The following KSR2 variants were observed in gnomAD, a reference collection of about 807,000 sequenced individuals.
KSR2 encodes the protein kinase suppressor of ras 2.
A neutral mutation model predicts 107.8 loss-of-function variants in KSR2; 25 were observed. The observed-to-expected ratio is 0.23, with a 90% CI of 0.17 to 0.32. The LOEUF (loss-of-function observed/expected upper bound fraction) is 0.32, where lower values mean the gene tolerates loss of function less well. Among genes scored for constraint, KSR2 ranks in the 10% least tolerant of loss-of-function variants. The pLI is 1.00. For synonymous variants in KSR2, 480 were observed against 507.0 expected, an observed-to-expected ratio of 0.95 and a Z score of 0.71; for missense variants, 887 against 1,268.9, an observed-to-expected ratio of 0.70 and a Z score of 4.57.
chr12:117,870,493 G>A (rs573615471), intron 1 of KSR2, among the ~76,000 whole-genome samples: 28 of 152,186 alleles, frequency 1.8e-4, no homozygotes, highest in East Asian at 5.8e-4. Context: ...CCAGCTACTC[G>A]GGAGGCTGAG....
At chr12:117,821,007 T>C (rs1004311572) in intron 3 of KSR2, among the ~76,000 whole-genome samples, 1 of 152,152 alleles carries the variant, frequency 6.6e-6, no homozygotes, top group African/African-American at 2.4e-5. Context: ...TAGGTTCAGA[T>C]CCTCTGCCAC....
intron 5 of KSR2, among the ~76,000 whole-genome samples, chr12:117,640,739 G>C (rs1883317826): frequency 6.6e-6 from 1 of 152,116 alleles, no homozygotes; most frequent in Non-Finnish European, 1.5e-5. Flanking sequence ...CCCCTCCATG[G>C]CAAACAGCCG....
intron 5 of KSR2, among the ~76,000 whole-genome samples, chr12:117,604,457 A>C (rs1480888115): frequency 6.6e-6 from 1 of 152,254 alleles, no homozygotes; most frequent in Non-Finnish European, 1.5e-5. Context: ...ATGGTAATTC[A>C]AAGTTTAACT....
At chr12:117,957,201 A>G (rs1896541903) in intron 1 of KSR2, among the ~76,000 whole-genome samples, 1 of 152,250 alleles carries the variant, frequency 6.6e-6, no homozygotes, top group African/African-American at 2.4e-5. Flanking sequence ...ACAGGAGAGC[A>G]GTAAACCTCT....
Position 117,968,305 on chromosome 12 carries a change from A to AGGCG in KSR2, c.-51_-50insCGCC. On this transcript the variant is annotated 5_prime_UTR_variant, in exon 1 of 20. Transcript: ENST00000339824. The stretch of plus-strand genomic sequence containing the variant: ...CTCCTCCTCCTCCCAGAGAGAAAAA[A>AGGCG]GAGGGGGGGGAGTAGAGGTAGTCTA... 9.0e-7 allele frequency: 1 copy of AGGCG among 1,110,342 alleles called. No homozygotes were observed. The highest frequency in any genetic ancestry group is 1.2e-6 in the Non-Finnish European group (1 of 858,906). The allele number at this position is 1,110,342 out of a possible 1,614,324, so 68.8% of individuals were successfully genotyped here. A position where few individuals can be genotyped will look rare whatever the true frequency, so the allele number is the denominator to read the frequency against.
intron 4 of KSR2, among the ~76,000 whole-genome samples, chr12:117,731,799 T>C (rs575987264): frequency 3.3e-5 from 5 of 151,036 alleles, no homozygotes; most frequent in African/African-American, 7.3e-5. Flanking sequence ...TTAAGGGCGG[T>C]GCAAGATGTG....
chr12:117,927,388 C>CAA (rs55995726), intron 1 of KSR2, among the ~76,000 whole-genome samples: 11 of 137,704 alleles, frequency 8.0e-5, no homozygotes, highest in African/African-American at 2.7e-4. Flanking sequence ...AAAATAACAA[C>CAA]AAAAAAAAAA....
intron 10 of KSR2, among the ~76,000 whole-genome samples, chr12:117,532,624 T>A (rs569075057): frequency 2.6e-5 from 4 of 152,248 alleles, no homozygotes; most frequent in South Asian, 2.1e-4. Context: ...TAGGAAAAAA[T>A]TTTATAAAAG....
chr12:117,613,384 C>T (rs1295232024), intron 5 of KSR2, among the ~76,000 whole-genome samples: 1 of 152,170 alleles, frequency 6.6e-6, no homozygotes, highest in Non-Finnish European at 1.5e-5. Flanking sequence ...CAGCTGAGTC[C>T]CAGACTTTCA....
chr12:117,625,562 C>T (rs528702538), intron 5 of KSR2, among the ~76,000 whole-genome samples: 27 of 152,288 alleles, frequency 1.8e-4, no homozygotes, highest in South Asian at 1.5e-3. Flanking sequence ...CCGACTTAAT[C>T]GTGGTGGACA....
intron 1 of KSR2, among the ~76,000 whole-genome samples, chr12:117,900,163 G>A (rs1894639303): frequency 6.6e-6 from 1 of 152,220 alleles, no homozygotes; most frequent in African/African-American, 2.4e-5. Context: ...CCATGTTTGT[G>A]ATGATTTGTA....
At chr12:117,947,243 A>C (rs1311063821) in intron 1 of KSR2, among the ~76,000 whole-genome samples, 10 of 124,020 alleles carry the variant, frequency 8.1e-5, no homozygotes, top group African/African-American at 2.3e-4. Context: ...GAAAGAAAGA[A>C]AGAAAGAAAG....
intron 4 of KSR2, among the ~76,000 whole-genome samples, chr12:117,676,608 A>G (rs574193536): frequency 1.6e-4 from 24 of 152,324 alleles, no homozygotes; most frequent in Non-Finnish European, 2.8e-4. Flanking sequence ...AGTAAACTAT[A>G]GTATAGATCC....
intron 4 of KSR2, among the ~76,000 whole-genome samples, chr12:117,681,365 G>GACCTGGC (rs1193039824): frequency 6.6e-6 from 1 of 152,066 alleles, no homozygotes; most frequent in African/African-American, 2.4e-5. Flanking sequence ...TGGGAAGGCA[G>GACCTGGC]ACCTGGCATT....
chr12:117,686,314 C>T (rs1181068286), intron 4 of KSR2, among the ~76,000 whole-genome samples: 5 of 146,274 alleles, frequency 3.4e-5, no homozygotes, highest in Non-Finnish European at 7.4e-5. Flanking sequence ...GATCCTCCTG[C>T]CTTGGTCTTC....
intron 4 of KSR2, among the ~76,000 whole-genome samples, chr12:117,682,566 C>T (rs528858242): frequency 7.9e-5 from 12 of 151,914 alleles, no homozygotes; most frequent in Admixed American, 2.0e-4. Context: ...TACAGGTGCG[C>T]ACCACCACAC....
intron 4 of KSR2, among the ~76,000 whole-genome samples, chr12:117,678,459 C>G (rs769969029): frequency 2.6e-4 from 39 of 152,058 alleles, no homozygotes; most frequent in Non-Finnish European, 5.3e-4. Context: ...GCTTCCTCCT[C>G]ACTATGACCC....
chr12:117,930,341 T>C (rs1417929866), intron 1 of KSR2, among the ~76,000 whole-genome samples: 1 of 151,762 alleles, frequency 6.6e-6, no homozygotes, highest in Non-Finnish European at 1.5e-5. Flanking sequence ...GCCAAAAAAA[T>C]TATTCTTAAA....
chr12:117,960,602 C>G (rs1404093017), intron 1 of KSR2, among the ~76,000 whole-genome samples: 1 of 152,132 alleles, frequency 6.6e-6, no homozygotes, highest in African/African-American at 2.4e-5. Flanking sequence ...ATAAACACAA[C>G]CACAAGTGAG....
Sources: allele counts gnomAD v4.1 joint callset (sites outside exome capture counted in the v4.1 genomes callset), GRCh38; gene constraint gnomAD v4.1.1; transcripts MANE v1.5; gene names NCBI Gene and HGNC (gene_info 2026-07-23, HGNC 2026-07-21).